The following VPS26B variants were observed in gnomAD, a reference collection of about 807,000 sequenced individuals.
VPS26B encodes the protein VPS26 retromer complex component B.
A neutral mutation model predicts 33.3 loss-of-function variants in VPS26B; 10 were observed. The observed-to-expected ratio is 0.30, with a 90% confidence interval of 0.19 to 0.51. The LOEUF (loss-of-function observed/expected upper bound fraction) is 0.51. Ranked by LOEUF, VPS26B falls within the 20% of genes least tolerant of loss-of-function variation. The pLI is 0.98. For synonymous variants in VPS26B, 190 were observed against 176.9 expected (o/e 1.07, Z -0.59); for missense variants, 317 against 452.7 (o/e 0.70, Z 2.72).
intron 1 of VPS26B, among the ~76,000 whole-genome samples, chr11:134,231,366 A>C (rs1301826701): frequency 6.6e-6 from 1 of 152,194 alleles, no homozygotes; most frequent in East Asian, 1.9e-4. Context: ...AGGTGGATTG[A>C]TTCTGGCCTA....
chr11:134,229,698 A>G (rs1938531083), intron 1 of VPS26B, among the ~76,000 whole-genome samples: 1 of 151,782 alleles, frequency 6.6e-6, no homozygotes, highest in African/African-American at 2.4e-5. Flanking sequence ...ACTGCCTTTT[A>G]TTTTCTGTTT....
At chr11:134,233,342 G>A (rs1386451603) in intron 1 of VPS26B, among the ~76,000 whole-genome samples, 1 of 152,220 alleles carries the variant, frequency 6.6e-6, no homozygotes, top group Non-Finnish European at 1.5e-5. Flanking sequence ...GCTGCAAGTT[G>A]CAGTCTAGCA....
intron 1 of VPS26B, among the ~76,000 whole-genome samples, chr11:134,230,558 C>A (rs903766178): frequency 1.3e-5 from 2 of 152,212 alleles, no homozygotes; most frequent in Non-Finnish European, 2.9e-5. Flanking sequence ...TGTGCCCCCA[C>A]TGGGGCTGCG....
Position 134,240,263 on chromosome 11 carries a change from G to T in VPS26B, c.545+108G>T. On this transcript the variant is annotated intron_variant, in intron 3 of 5. Transcript: ENST00000281187. This position sits in a 1 kb window ranked among gnomAD's most constrained non-coding sequence, Gnocchi z 4.4. ...CTCTGTGACTCGACTGCTTTGTGGT[G>T]GCATGCGGTGGGGGAAGACCGTGGG... is the stretch of plus-strand genomic sequence containing the variant. 7.7e-7 allele frequency: 1 copy of T among 1,299,374 alleles called. No individual in the cohort carries two copies. Among genetic ancestry groups the T allele is most frequent in the East Asian group, 2.4e-5 (1 of 42,518 alleles). 80.5% of individuals were successfully genotyped at this position (1,299,374 alleles called of 1,614,324 possible). A position where few individuals can be genotyped will look rare whatever the true frequency, so the allele number is the denominator to read the frequency against.
At chr11:134,239,272 TTTC>T (rs1293249950) in intron 2 of VPS26B, among the ~76,000 whole-genome samples, 1 of 152,152 alleles carries the variant, frequency 6.6e-6, no homozygotes, top group African/African-American at 2.4e-5. Context: ...GGAATGCCCT[TTTC>T]TCCCTCCACA....
chr11:134,227,252 C>T (rs972725758), intron 1 of VPS26B, among the ~76,000 whole-genome samples: 2 of 152,188 alleles, frequency 1.3e-5, no homozygotes, highest in African/African-American at 2.4e-5. Context: ...TATTATGCTA[C>T]GCATAGTAAA....
chr11:134,234,845 G>A, intron 1 of VPS26B, 52 bp from the exon 2 acceptor site: 1 of 1,591,646 alleles, frequency 6.3e-7, no homozygotes, highest in East Asian at 2.2e-5. Context: ...ACTCGGCCCG[G>A]TGTAGCTCAG....
intron 3 of VPS26B, among the ~76,000 whole-genome samples, chr11:134,241,622 G>A (rs1216997403): frequency 6.6e-6 from 1 of 152,234 alleles, no homozygotes; most frequent in East Asian, 1.9e-4. Flanking sequence ...TGAAGGCAGA[G>A]GCCAGCAGCT....
chr11:134,233,345 G>C (rs893061271), intron 1 of VPS26B, among the ~76,000 whole-genome samples: 4 of 152,230 alleles, frequency 2.6e-5, no homozygotes, highest in Non-Finnish European at 5.9e-5. Context: ...GCAAGTTGCA[G>C]TCTAGCACGG....
intron 1 of VPS26B, among the ~76,000 whole-genome samples, chr11:134,226,139 G>GCCTA (rs1395585174): frequency 2.0e-5 from 3 of 152,202 alleles, no homozygotes; most frequent in African/African-American, 7.2e-5. Context: ...AGTGGCTGAT[G>GCCTA]CCTACAATCC....
At chr11:134,239,853 C>CAAAGGA (rs1338647263) in intron 2 of VPS26B, 138 bp from the exon 3 acceptor site, 13 of 910,812 alleles carry the variant, frequency 1.4e-5, no homozygotes, top group Non-Finnish European at 2.2e-5. Context: ...GGGTCTGTAA[C>CAAAGGA]TTCTTAAAAG....
rs1938790215 is a variant in VPS26B, at chr11:134,245,122, G to A, written c.864+42G>A. On this transcript the variant is annotated intron_variant, in intron 5 of 5. Transcript: ENST00000281187. This position sits in a 1 kb window ranked among gnomAD's most constrained non-coding sequence, Gnocchi z 4.7. The stretch of plus-strand genomic sequence containing the variant: ...TCCAGGCCCCGATGCCCTTGGGACA[G>A]AACAGGAGGCTCTCTTTCCTATGGA... 1 of 1,599,834 alleles carries A rather than the reference G, an allele frequency of 6.3e-7. No homozygotes were observed. The highest frequency in any genetic ancestry group is 2.2e-5 in the East Asian group (1 of 44,748).
At chr11:134,229,245 G>T (rs1938523510) in intron 1 of VPS26B, among the ~76,000 whole-genome samples, 1 of 152,006 alleles carries the variant, frequency 6.6e-6, no homozygotes, top group South Asian at 2.1e-4. Context: ...TGCCCAGGCT[G>T]GTCTGGAACT....
In VPS26B at chr11:134,224,922, G is replaced by T. The variant is rs1001741275; in HGVS notation, c.-201G>T. On this transcript the variant is annotated 5_prime_UTR_variant, in exon 1 of 6. Coordinates refer to ENST00000281187, the MANE Select transcript of VPS26B (RefSeq NM_052875.5). Reference sequence around the variant, plus strand: ...CGGGCGCCGCAGCCCGCAGCCGCCAGCCTCCCCCGGCCGTGCCCCTCCCCC... The same window carrying T: ...CGGGCGCCGCAGCCCGCAGCCGCCATCCTCCCCCGGCCGTGCCCCTCCCCC... 13 of 243,798 alleles carry T rather than the reference G, an allele frequency of 5.3e-5. No individual in the cohort carries two copies. The highest frequency in any genetic ancestry group is 5.3e-4 in the Admixed American group (9 of 17,106). 15.1% of individuals were successfully genotyped at this position (243,798 alleles called of 1,614,324 possible).
In VPS26B at chr11:134,245,517, G is replaced by A. The variant is rs568925080; in HGVS notation, c.938G>A (p.Arg313His). Residue 313 changes from arginine (R) to histidine (H), a missense_variant, in exon 6 of 6, where the codon CGC becomes CAC. Physicochemically the swap from Arg to His is conservative, Grantham distance 29. Transcript: ENST00000281187. The surrounding 1 kb of genome is among the most constrained non-coding windows in gnomAD (Gnocchi z 4.7). ...MSHQAAIASQ[R>H]FEGTTSLGEV... ...CACCAGGCGGCCATCGCCTCACAGCGCTTTGAGGGCACCACCTCCCTGGGT... is the reference window on the plus strand; with the variant it reads ...CACCAGGCGGCCATCGCCTCACAGCACTTTGAGGGCACCACCTCCCTGGGT... 4 of 1,613,950 alleles carry A rather than the reference G, an allele frequency of 2.5e-6. No individual in the cohort carries two copies. Among genetic ancestry groups the A allele is most frequent in the South Asian group, 1.1e-5 (1 of 91,066 alleles).
At chr11:134,233,248 G>A (rs1056008577) in intron 1 of VPS26B, among the ~76,000 whole-genome samples, 1 of 152,194 alleles carries the variant, frequency 6.6e-6, no homozygotes, top group African/African-American at 2.4e-5. Context: ...CCAGTCTGTG[G>A]ACTCGCCTCT....
chr11:134,237,455 A>G (rs1938649283), intron 2 of VPS26B, among the ~76,000 whole-genome samples: 1 of 152,230 alleles, frequency 6.6e-6, no homozygotes, highest in African/African-American at 2.4e-5. Context: ...GCAGGCTGAA[A>G]TACTGGCAAA....
intron 1 of VPS26B, among the ~76,000 whole-genome samples, chr11:134,234,188 C>T (rs956378008): frequency 7.9e-5 from 12 of 152,194 alleles, no homozygotes; most frequent in African/African-American, 7.2e-5. Context: ...TGTCCATGTT[C>T]GATTGGCCAC....
At chr11:134,239,168 G>A (rs1285751373) in intron 2 of VPS26B, among the ~76,000 whole-genome samples, 2 of 152,104 alleles carry the variant, frequency 1.3e-5, no homozygotes, top group East Asian at 3.9e-4. Context: ...CTCCACAGCA[G>A]CGTCCTCCCC....
Sources: allele counts gnomAD v4.1 joint callset (sites outside exome capture counted in the v4.1 genomes callset), GRCh38; gene constraint gnomAD v4.1.1; non-coding constraint Gnocchi (gnomAD v3.1); transcripts MANE v1.5; gene names NCBI Gene and HGNC (gene_info 2026-07-23, HGNC 2026-07-21).